The following VGLL3 variants were observed in gnomAD, a reference collection of about 807,000 sequenced individuals.
VGLL3 encodes the protein transcription cofactor vestigial-like protein 3.
In VGLL3, 18 loss-of-function variants were observed where a neutral mutation model predicts 29.2. The observed-to-expected ratio is 0.62, with a 90% confidence interval of 0.43 to 0.91. VGLL3 has a LOEUF of 0.91. Among genes scored for constraint, VGLL3 ranks in the 40% least tolerant of loss-of-function variants. The pLI, the probability that VGLL3 is intolerant of heterozygous loss-of-function variation, is 0.00. For missense variants in VGLL3, 440 were observed against 413.2 expected (o/e 1.06, Z -0.56); for synonymous variants, 180 against 151.8 (o/e 1.19, Z -1.36).
Position 86,990,811 on chromosome 3 carries a change from G to GCGCCGC in VGLL3, c.-74_-69dup, listed in dbSNP as rs921511646. The GCGCCGC allele has an allele frequency of 1.1e-5, 13 of 1,214,180 alleles. No homozygotes were observed. The highest frequency in any genetic ancestry group is 1.6e-5 in the African/African-American group (1 of 62,768). The allele number at this position is 1,214,180 out of a possible 1,614,324, so 75.2% of individuals were successfully genotyped here. A position where few individuals can be genotyped will look rare whatever the true frequency, so the allele number is the denominator to read the frequency against. ...CTACGCGCTGGCGCGAGGGGCGCGG[G>GCGCCGC]CGCCGCCGCCGCCGCAGCTGCCGCC... is the stretch of plus-strand genomic sequence containing the variant. On this transcript the variant is annotated 5_prime_UTR_variant, in exon 1 of 4. Transcript: ENST00000398399.
rs538187207 is a variant in VGLL3 at position 86,973,104 on chromosome 3, A to T, written c.404-3981T>A. Among the ~76,000 whole-genome samples the T allele has an allele frequency of 4.5e-4, 69 of 152,166 alleles. 1 individual carries two copies. The highest frequency in any genetic ancestry group is 6.2e-4 in the South Asian group (3 of 4,824). ...ACACACACACATTACCTCCAAAAAA[A>T]TTTTTTAAAATCTCCGAGTAAAAAA... On this transcript the variant is annotated intron_variant, in intron 2 of 3. Coordinates refer to ENST00000398399, the MANE Select transcript of VGLL3 (RefSeq NM_016206.4).
rs1023034956 is a variant in VGLL3 at position 86,978,755 on chromosome 3, G to A, written c.174C>T (p.Thr58=). 2.7e-5 allele frequency: 43 copies of A among 1,613,442 alleles called. No homozygotes were observed. The East Asian group carries it at 2.7e-4, about 10-fold the overall frequency. Residue 58 remains threonine (T), a synonymous_variant, in exon 2 of 4, where the codon ACC becomes ACT. Coordinates refer to ENST00000398399, the MANE Select transcript of VGLL3 (RefSeq NM_016206.4). ...CCTCCTCCTCTTGTTTGCTGGGAAGGGTGACTTCCAGAGAGTCCTGCATCT... is the reference window on the plus strand; with the variant it reads ...CCTCCTCCTCTTGTTTGCTGGGAAGAGTGACTTCCAGAGAGTCCTGCATCT... ...FSKMQDSLEV[T]LPSKQEEEDE...
In VGLL3 at chr3:86,940,849, C is replaced by CT. The variant is rs540749051; in HGVS notation, c.*6174dup. 6.6e-6 allele frequency: 1 copy of CT among 152,090 alleles called. No homozygotes were observed. Among genetic ancestry groups the CT allele is most frequent in the Non-Finnish European group, 1.5e-5 (1 of 67,840 alleles). 9.4% of individuals were successfully genotyped at this position (152,090 alleles called of 1,614,324 possible). On this transcript the variant is annotated 3_prime_UTR_variant, in exon 4 of 4. Coordinates refer to ENST00000398399, the MANE Select transcript of VGLL3 (RefSeq NM_016206.4). ...AAAGCCAAAAGTTTTATGAATTATA[C>CT]TTTTTTTATTAGTTAAAAATGACAG...
At chr3:86,959,633 T>C (rs371231099) in intron 3 of VGLL3, among the ~76,000 whole-genome samples, 24 of 152,142 alleles carry the variant, frequency 1.6e-4, no homozygotes, top group African/African-American at 5.8e-4. Flanking sequence ...TTATATTTAG[T>C]AAATATTCAA....
intron 1 of VGLL3, among the ~76,000 whole-genome samples, chr3:86,988,457 C>T (rs1036886212): frequency 7.9e-5 from 12 of 151,482 alleles, no homozygotes; most frequent in Admixed American, 2.0e-4. Flanking sequence ...ACTTCACCCA[C>T]GCATTGCATA....
chr3:86,978,544 G>A lies in VGLL3; in HGVS notation c.385C>T (p.Leu129=), dbSNP rs373154475. 6.8e-6 allele frequency: 11 copies of A among 1,614,036 alleles called. No individual in the cohort carries two copies. Among genetic ancestry groups the A allele is most frequent in the Non-Finnish European group, 9.3e-6 (11 of 1,180,016 alleles). ...ESAISKSKMG[L]TPLWRDSSAL... ...TTCTTACCTCGCCATAGGGGGGTTA[G>A]CCCCATCTTGCTTTTTGAAATGGCA... Residue 129 remains leucine, a synonymous_variant, in exon 2 of 4, where the codon CTA becomes TTA. Transcript: ENST00000398399.
chr3:86,942,421 C>A lies in VGLL3; in HGVS notation c.*4603G>T, dbSNP rs868868253. The A allele has an allele frequency of 4.0e-5, 6 of 150,906 alleles. No homozygotes were observed. The South Asian group carries it at 1.1e-3, about 27-fold the overall frequency. 9.3% of individuals were successfully genotyped at this position (150,906 alleles called of 1,614,324 possible). On this transcript the variant is annotated 3_prime_UTR_variant, in exon 4 of 4. Coordinates refer to ENST00000398399, the MANE Select transcript of VGLL3 (RefSeq NM_016206.4). ...CTTTTTTTCCTTGAGTAGAGTAAAT[C>A]TGCTGACTGAGATCGTAAATGGTTG...
intron 3 of VGLL3, among the ~76,000 whole-genome samples, chr3:86,967,572 T>C (rs536792567): frequency 6.6e-6 from 1 of 152,330 alleles, no homozygotes; most frequent in East Asian, 1.9e-4. Flanking sequence ...GGGAATTATT[T>C]GTTGTGAACC....
intron 3 of VGLL3, among the ~76,000 whole-genome samples, chr3:86,947,738 G>A (rs1009804972): frequency 2.0e-5 from 3 of 151,980 alleles, no homozygotes; most frequent in Admixed American, 6.6e-5. Context: ...TTAAAATTTA[G>A]AAGTTAATAA....
intron 3 of VGLL3, among the ~76,000 whole-genome samples, chr3:86,959,999 A>G (rs148165329): frequency 7.2e-5 from 11 of 152,202 alleles, no homozygotes; most frequent in Non-Finnish European, 1.6e-4. Flanking sequence ...CTTCTCTAGT[A>G]TATTCGCTAT....
rs1705562700 is a variant in VGLL3 at position 86,990,602 on chromosome 3, C to T, written c.126+16G>A. On this transcript the variant is annotated intron_variant, in intron 1 of 3. Coordinates refer to ENST00000398399, the MANE Select transcript of VGLL3 (RefSeq NM_016206.4). ...TTCGCCCCCGCCCCCAGCAGGCTGC[C>T]CGTCCGGTGACTCACCTGCTGGCCA... The T allele has an allele frequency of 2.2e-6, 3 of 1,336,034 alleles. No individual in the cohort carries two copies. The highest frequency in any genetic ancestry group is 2.9e-6 in the Non-Finnish European group (3 of 1,034,438). 82.8% of individuals were successfully genotyped at this position (1,336,034 alleles called of 1,614,324 possible). A position where few individuals can be genotyped will look rare whatever the true frequency, so the allele number is the denominator to read the frequency against.
chr3:86,978,254 G>A (rs1211211157), intron 2 of VGLL3, among the ~76,000 whole-genome samples: 2 of 152,130 alleles, frequency 1.3e-5, no homozygotes, highest in Non-Finnish European at 2.9e-5. Context: ...ATGGTACTTC[G>A]CAGCTCAGTG....
Position 86,978,629 on chromosome 3 carries a change from T to C in VGLL3, c.300A>G (p.Ser100=), listed in dbSNP as rs1705257764. 1.2e-6 allele frequency: 2 copies of C among 1,614,178 alleles called. No homozygotes were observed. The highest frequency in any genetic ancestry group is 4.5e-5 in the East Asian group (2 of 44,868). ...LFTYFQGDIG[S]VVDEHFSRAL... ...CTCTTGAGAAGTGTTCATCCACTACTGACCCAATGTCTCCCTGGAAATAAG... is the reference window on the plus strand; with the variant it reads ...CTCTTGAGAAGTGTTCATCCACTACCGACCCAATGTCTCCCTGGAAATAAG... Residue 100 remains serine (S), a synonymous_variant, in exon 2 of 4, where the codon TCA becomes TCG. Coordinates refer to ENST00000398399, the MANE Select transcript of VGLL3 (RefSeq NM_016206.4).
At chr3:86,969,261 C>A in intron 2 of VGLL3, 138 bp from the exon 3 acceptor site, 1 of 1,087,166 alleles carries the variant, frequency 9.2e-7, no homozygotes, top group African/African-American at 1.6e-5. Flanking sequence ...TCTCCCCAAA[C>A]AGGGGTGAAT....
intron 2 of VGLL3, among the ~76,000 whole-genome samples, chr3:86,975,198 T>C (rs750117070): frequency 6.6e-6 from 1 of 152,218 alleles, no homozygotes; most frequent in Non-Finnish European, 1.5e-5. Context: ...CCAAAGACTG[T>C]ATTTTCCAAT....
intron 3 of VGLL3, among the ~76,000 whole-genome samples, chr3:86,949,332 A>T (rs1704567264): frequency 6.6e-6 from 1 of 152,150 alleles, no homozygotes; most frequent in Non-Finnish European, 1.5e-5. Flanking sequence ...TGCGAATCTT[A>T]AAAAGTCAAT....
At chr3:86,988,220 C>A (rs909705437) in intron 1 of VGLL3, among the ~76,000 whole-genome samples, 2 of 152,020 alleles carry the variant, frequency 1.3e-5, no homozygotes, top group Non-Finnish European at 2.9e-5. Flanking sequence ...TGTTACTTTT[C>A]TTCGCTCCTT....
intron 3 of VGLL3, among the ~76,000 whole-genome samples, chr3:86,947,898 G>T (rs189338682): frequency 4.1e-4 from 62 of 151,658 alleles, no homozygotes; most frequent in Middle Eastern, 3.4e-3. Context: ...TTCTGATATG[G>T]GCAATTCACA....
At chr3:86,975,410 T>A (rs970771264) in intron 2 of VGLL3, among the ~76,000 whole-genome samples, 3 of 152,178 alleles carry the variant, frequency 2.0e-5, no homozygotes, top group African/African-American at 7.2e-5. Flanking sequence ...AAGACAATTA[T>A]GACAAAGATC....
Sources: allele counts gnomAD v4.1 joint callset (sites outside exome capture counted in the v4.1 genomes callset), GRCh38; gene constraint gnomAD v4.1.1; transcripts MANE v1.5; gene names NCBI Gene and HGNC (gene_info 2026-07-23, HGNC 2026-07-21).